FBXL18: variants seen among roughly 807,000 people sequenced by gnomAD.
FBXL18 encodes the protein F-box/LRR-repeat protein 18.
Under a neutral mutation model 46.0 loss-of-function variants are expected in FBXL18, and 36 were observed. That is an observed-to-expected ratio of 0.78 (90% CI 0.60 to 1.03). The LOEUF (loss-of-function observed/expected upper bound fraction) is 1.03, where lower values mean the gene tolerates loss of function less well. FBXL18 is among the 50% of genes least tolerant of loss of function. The pLI is 0.00. For missense variants in FBXL18, 977 were observed against 1,004.1 expected, an observed-to-expected ratio of 0.97 and a Z score of 0.36; for synonymous variants, 557 against 465.3, an observed-to-expected ratio of 1.20 and a Z score of -2.54.
chr7:5,503,901 A>T (rs1784328424), intron 2 of FBXL18, among the ~76,000 whole-genome samples: 1 of 151,038 alleles, frequency 6.6e-6, no homozygotes, highest in African/African-American at 2.4e-5. Flanking sequence ...CAGGAGGTGG[A>T]GGTTGCAGTG....
downstream of FBXL18, among the ~76,000 whole-genome samples, chr7:5,472,699 G>A (rs1274067480): frequency 2.0e-5 from 3 of 152,168 alleles, no homozygotes; most frequent in Non-Finnish European, 4.4e-5. Flanking sequence ...GAGTGAAGAT[G>A]CTTCCAGGAG....
chr7:5,484,935 G>A (rs138765829), intron 4 of FBXL18, among the ~76,000 whole-genome samples: 9 of 151,708 alleles, frequency 5.9e-5, no homozygotes, highest in African/African-American at 1.5e-4. Context: ...CACCATACCC[G>A]GCCATTATTT....
rs1180980635 is a variant in FBXL18, at chr7:5,480,548, A to ATTTTTTTTTT, written c.*1217_*1226dup. ...GTTGAATATATATATATATATATAT[A>ATTTTTTTTTT]TTTTTTTTTTTTTTTTTTTTTTTTT... On this transcript the variant is annotated 3_prime_UTR_variant, in exon 5 of 5. Transcript: ENST00000382368. The ATTTTTTTTTT allele has an allele frequency of 2.5e-5, 1 of 40,344 alleles. No homozygotes were observed. Among genetic ancestry groups the ATTTTTTTTTT allele is most frequent in the Non-Finnish European group, 4.7e-5 (1 of 21,132 alleles). 2.5% of individuals were successfully genotyped at this position (40,344 alleles called of 1,614,324 possible).
intron 3 of FBXL18, among the ~76,000 whole-genome samples, chr7:5,494,834 C>T (rs1282048582): frequency 1.3e-5 from 2 of 152,200 alleles, no homozygotes; most frequent in East Asian, 1.9e-4. Context: ...CAGATCGCCC[C>T]GAGCCTCTGG....
At chr7:5,489,463 C>T (rs546032541) in intron 4 of FBXL18, 8 of 392,824 alleles carry the variant, frequency 2.0e-5, no homozygotes, top group African/African-American at 8.4e-5. Context: ...GATGAAACCC[C>T]GTCTCTACTA....
intron 4 of FBXL18, among the ~76,000 whole-genome samples, chr7:5,462,110 C>T (rs1372627421): frequency 1.3e-5 from 2 of 152,034 alleles, no homozygotes; most frequent in Non-Finnish European, 2.9e-5. Context: ...CACCTGTAAT[C>T]CTAGCTACTC....
chr7:5,497,563 G>A (rs1176586136), intron 3 of FBXL18, among the ~76,000 whole-genome samples: 1 of 152,202 alleles, frequency 6.6e-6, no homozygotes, highest in East Asian at 1.9e-4. Context: ...CGCCAAGCTG[G>A]CTGCATGGCC....
intron 3 of FBXL18, among the ~76,000 whole-genome samples, chr7:5,498,986 T>G (rs1784158447): frequency 6.6e-6 from 1 of 152,238 alleles, no homozygotes; most frequent in African/African-American, 2.4e-5. Flanking sequence ...CACCGTTCAC[T>G]CCACAGCACA....
intron 4 of FBXL18, among the ~76,000 whole-genome samples, chr7:5,463,728 A>ATTTATTTATT (rs1562672288): frequency 5.7e-5 from 3 of 53,008 alleles, no homozygotes; most frequent in South Asian, 7.4e-4. Context: ...TTATTTATTT[A>ATTTATTTATT]TTTTTTTTTT....
chr7:5,481,958 A>T (rs1238892038), intron 4 of FBXL18, 27 bp from the exon 5 acceptor site: 1 of 1,578,278 alleles, frequency 6.3e-7, no homozygotes, highest in African/African-American at 1.4e-5. Context: ...CGGTCAGCGG[A>T]TTACATGGGT....
chr7:5,489,420 A>C (rs1297981102), intron 4 of FBXL18: 1 of 463,300 alleles, frequency 2.2e-6, no homozygotes, highest in African/African-American at 2.0e-5. Context: ...GGATCACCTG[A>C]GGTCAGGAGT....
At position 5,491,236 on chromosome 7, in the gene FBXL18, G is replaced by T; in HGVS notation, c.1995C>A (p.Leu665=). The T allele has an allele frequency of 6.2e-7, 1 of 1,611,038 alleles. No homozygotes were observed. Among genetic ancestry groups the T allele is most frequent in the Non-Finnish European group, 8.5e-7 (1 of 1,178,872 alleles). ...ACGCAACCCACATCACTCACCTGCGGAGAAGCGACTGCTGCAGGCTCTTGC... is the reference window on the plus strand; with the variant it reads ...ACGCAACCCACATCACTCACCTGCGTAGAAGCGACTGCTGCAGGCTCTTGC... ...ATCKSLQQSL[L]RSFQAERPAL... Residue 665 remains leucine (L), a synonymous_variant, in exon 4 of 5, where the codon CTC becomes CTA. Transcript: ENST00000382368.
chr7:5,500,572 G>C lies in FBXL18; in HGVS notation c.1697C>G (p.Ala566Gly). The change falls in exon 3 of 5, where the codon GCC (alanine) becomes GGC (glycine). Residue 566 changes from alanine to glycine, a missense_variant. Coordinates refer to ENST00000382368, the MANE Select transcript of FBXL18 (RefSeq NM_024963.6). ...CACCTTCCCCATCATGCCCAGGTTGGCCAGCGACAGGGACCGCAACTGCTG... is the reference window on the plus strand; with the variant it reads ...CACCTTCCCCATCATGCCCAGGTTGCCCAGCGACAGGGACCGCAACTGCTG... ...QCQQLRSLSLANLGMMGKVVY... is the reference protein window; with the variant it reads ...QCQQLRSLSLGNLGMMGKVVY... The C allele has an allele frequency of 6.2e-7, 1 of 1,613,568 alleles. No homozygotes were observed.
chr7:5,497,638 A>C (rs1301777260), intron 3 of FBXL18, among the ~76,000 whole-genome samples: 1 of 152,160 alleles, frequency 6.6e-6, no homozygotes, highest in African/African-American at 2.4e-5. Context: ...ACTTCCTGCC[A>C]TGCCTTCTGC....
At chr7:5,502,805 T>C (rs6463488) in intron 2 of FBXL18, among the ~76,000 whole-genome samples, 137,457 of 150,142 alleles carry the variant, frequency 0.92, 62,947 homozygotes, top group African/African-American at 0.94. Flanking sequence ...TCCAACCTGG[T>C]GACAGAGCAA....
chr7:5,501,463 A>G lies in FBXL18; in HGVS notation c.806T>C (p.Val269Ala), dbSNP rs753869482. 81 of 1,613,522 alleles carry G rather than the reference A, an allele frequency of 5.0e-5. No individual in the cohort carries two copies. In the South Asian group the frequency reaches 8.7e-4, roughly 17 times the overall value. The change falls in exon 3 of 5, where the codon GTC becomes GCC. Residue 269 changes from valine to alanine, a missense_variant. Coordinates refer to ENST00000382368, the MANE Select transcript of FBXL18 (RefSeq NM_024963.6). ...GCCGCTCTCCGCGAAGCTGCCAGGG[A>G]CGGAGATGAGGAAGGCGTGGAGGTT... The part of the protein sequence containing the change: ...PQNLHAFLIS[V>A]PGSFAESGAT...
Position 5,495,856 on chromosome 7 carries a change from G to A in FBXL18, c.1782-4407C>T, listed in dbSNP as rs751258950. 36 of 481,280 alleles carry A rather than the reference G, an allele frequency of 7.5e-5. No individual in the cohort carries two copies. In the Admixed American group the frequency reaches 8.2e-4, roughly 11 times the overall value. The allele number at this position is 481,280 out of a possible 1,614,324, so 29.8% of individuals were successfully genotyped here. On this transcript the variant is annotated intron_variant, in intron 3 of 4. Coordinates refer to ENST00000382368, the MANE Select transcript of FBXL18 (RefSeq NM_024963.6). ...GCGTCTGGGAACCGGCATTTGTTCT[G>A]AACAGGCAGTACCCAGCTCAGAGCA...
intron 4 of FBXL18, among the ~76,000 whole-genome samples, chr7:5,457,211 G>T (rs750308714): frequency 6.6e-6 from 1 of 152,186 alleles, no homozygotes; most frequent in Non-Finnish European, 1.5e-5. Context: ...CACAAAATTC[G>T]ATCTGTCCCA....
intron 4 of FBXL18, among the ~76,000 whole-genome samples, chr7:5,482,883 A>T (rs1217534327): frequency 6.6e-6 from 1 of 152,004 alleles, no homozygotes; most frequent in African/African-American, 2.4e-5. Context: ...AAAAAATTTT[A>T]AAAAATGAGT....
Sources: allele counts gnomAD v4.1 joint callset (sites outside exome capture counted in the v4.1 genomes callset), GRCh38; gene constraint gnomAD v4.1.1; transcripts MANE v1.5; gene names NCBI Gene and HGNC (gene_info 2026-07-23, HGNC 2026-07-21).